Variants in MIA2 observed in about 807,000 individuals in gnomAD.
MIA2 encodes melanoma inhibitory activity protein 2.
In MIA2, 127 loss-of-function variants were observed where a neutral mutation model predicts 167.8. The ratio of observed to expected loss-of-function variants is 0.76; its 90% CI spans 0.66 to 0.88. The LOEUF (loss-of-function observed/expected upper bound fraction) is 0.88. MIA2 is among the 40% of genes least tolerant of loss of function. The pLI, the probability that MIA2 is intolerant of heterozygous loss-of-function variation, is 0.00. For synonymous variants in MIA2, 552 were observed against 541.9 expected (o/e 1.02, Z -0.26); for missense variants, 1,690 against 1,624.7 (o/e 1.04, Z -0.69).
In MIA2 at chr14:39,266,897, C is replaced by T. The variant is rs552719171; in HGVS notation, c.1888-10037C>T. 29 of 690,394 alleles carry T rather than the reference C, an allele frequency of 4.2e-5. 1 individual carries two copies. In the African/African-American group the frequency reaches 4.7e-4, roughly 11 times the overall value. 42.8% of individuals were successfully genotyped at this position (690,394 alleles called of 1,614,324 possible). On this transcript the variant is annotated intron_variant, in intron 6 of 28. Coordinates refer to ENST00000640607, the MANE Select transcript of MIA2 (RefSeq NM_001329214.4). ...GGAGAAGTCTCGCCGCCGCCGCCACCGCGGCCGCCCGAGGCGGGTGCCCTT... is the reference window on the plus strand; with the variant it reads ...GGAGAAGTCTCGCCGCCGCCGCCACTGCGGCCGCCCGAGGCGGGTGCCCTT...
At chr14:39,263,325 T>G (rs921493526) in intron 6 of MIA2, among the ~76,000 whole-genome samples, 1 of 152,196 alleles carries the variant, frequency 6.6e-6, no homozygotes, top group Non-Finnish European at 1.5e-5. Context: ...CATTTATTGA[T>G]TTGTGTATGT....
intron 25 of MIA2, among the ~76,000 whole-genome samples, chr14:39,343,439 G>A (rs1261697868): frequency 6.6e-6 from 1 of 152,130 alleles, no homozygotes; most frequent in African/African-American, 2.4e-5. Flanking sequence ...GAGCCACCAT[G>A]CCCGGCCTGT....
chr14:39,288,302 A>G (rs7159130), intron 9 of MIA2, among the ~76,000 whole-genome samples: 29,412 of 147,594 alleles, frequency 0.2, 2,827 homozygotes, highest in Middle Eastern at 0.28. Context: ...CTCTCAAAAG[A>G]AAAAAAAAAT....
In MIA2 at chr14:39,293,365, C is replaced by T. The variant is rs752546706; in HGVS notation, c.2303C>T (p.Ser768Phe). The change falls in exon 11 of 29, where the codon TCT becomes TTT. Residue 768 changes from serine (S) to phenylalanine (F), a missense_variant. Coordinates refer to ENST00000640607, the MANE Select transcript of MIA2 (RefSeq NM_001329214.4). ...TTAAAAGAAGAGAAATCCAAACATT[C>T]TGAACAAGATGAATTGGTAAGGCTT... ...KELKEEKSKHSEQDELMADIS... is the reference protein window; with the variant it reads ...KELKEEKSKHFEQDELMADIS... 1.3e-6 allele frequency: 2 copies of T among 1,589,228 alleles called. No individual in the cohort carries two copies. The highest frequency in any genetic ancestry group is 3.4e-5 in the Admixed American group (2 of 58,790).
intron 6 of MIA2, among the ~76,000 whole-genome samples, chr14:39,275,112 C>T (rs2057781118): frequency 8.6e-6 from 1 of 116,508 alleles, no homozygotes. Context: ...TTAAATTATT[C>T]CTTAATTTCC....
chr14:39,307,215 C>T (rs1270533616), intron 17 of MIA2, among the ~76,000 whole-genome samples: 1 of 151,818 alleles, frequency 6.6e-6, no homozygotes, highest in Admixed American at 6.6e-5. Context: ...TTATTCATCA[C>T]CTGGAAATAG....
chr14:39,379,519 A>G (rs1297945228), intron 23 of MIA2, among the ~76,000 whole-genome samples: 1 of 152,152 alleles, frequency 6.6e-6, no homozygotes, highest in Non-Finnish European at 1.5e-5. Flanking sequence ...CACCTTCTGC[A>G]GTGTGATTGC....
At chr14:39,268,192 A>C (rs1253199231) in intron 6 of MIA2, among the ~76,000 whole-genome samples, 1 of 152,174 alleles carries the variant, frequency 6.6e-6, no homozygotes, top group Non-Finnish European at 1.5e-5. Flanking sequence ...TGACATGTGT[A>C]GGGGCATTTA....
intron 6 of MIA2, among the ~76,000 whole-genome samples, chr14:39,268,586 C>G (rs560175393): frequency 2.6e-5 from 4 of 152,194 alleles, no homozygotes; most frequent in African/African-American, 9.6e-5. Context: ...ATGATGCTTG[C>G]CGGAGATGTA....
intron 25 of MIA2, among the ~76,000 whole-genome samples, chr14:39,329,051 T>C (rs1327100067): frequency 6.6e-6 from 1 of 152,204 alleles, no homozygotes; most frequent in Non-Finnish European, 1.5e-5. Context: ...ATAAATTACT[T>C]TGGGTAGTAT....
intron 25 of MIA2, among the ~76,000 whole-genome samples, chr14:39,338,701 C>A (rs899104149): frequency 6.6e-6 from 1 of 152,186 alleles, no homozygotes; most frequent in South Asian, 2.1e-4. Context: ...ATGTGACTTA[C>A]CTTGCTCAGC....
At chr14:39,370,742 G>A in intron 23 of MIA2, 1 of 160,688 alleles carries the variant, frequency 6.2e-6, no homozygotes, top group East Asian at 1.9e-4. Flanking sequence ...CCAGGCCCTC[G>A]AGCATTATTT....
At chr14:39,280,292 C>T (rs982007098) in intron 9 of MIA2, among the ~76,000 whole-genome samples, 39 of 151,606 alleles carry the variant, frequency 2.6e-4, no homozygotes, top group African/African-American at 9.2e-4. Context: ...GGTTAATTTA[C>T]AGTTCTTGGC....
At chr14:39,326,642 ATTTAT>A (rs1290089331) in intron 24 of MIA2, among the ~76,000 whole-genome samples, 5 of 148,650 alleles carry the variant, frequency 3.4e-5, no homozygotes, top group Admixed American at 1.3e-4. Flanking sequence ...AATATTTTAT[ATTTAT>A]TTTATATTAT....
At position 39,247,834 on chromosome 14, in the gene MIA2, C is replaced by A. The variant is rs188301586; in HGVS notation, c.1260C>A (p.Asp420Glu). The part of the protein sequence containing the change: ...EHEHPLTSEL[D>E]PEKEQEIETI... The stretch of plus-strand genomic sequence containing the variant: ...AACATCCTCTAACAAGTGAATTAGA[C>A]CCTGAAAAAGAACAAGAAATAGAAA... Residue 420 changes from aspartate to glutamate, a missense_variant, in exon 4 of 29, where the codon GAC (aspartate) becomes GAA (glutamate). Asp to Glu is a conservative substitution (Grantham distance 45). Transcript: ENST00000640607. 8.8e-6 allele frequency: 14 copies of A among 1,591,918 alleles called. No homozygotes were observed. Among genetic ancestry groups the A allele is most frequent in the South Asian group, 1.2e-5 (1 of 85,696 alleles).
chr14:39,311,462 GTTGC>G lies in MIA2; in HGVS notation c.3018-1875_3018-1872del, dbSNP rs1454292159. On this transcript the variant is annotated intron_variant, in intron 18 of 28. Transcript: ENST00000640607. ...ATGGTAGGACCTAGAAGCTTGATGTGTTGCTTTTTTTTTTTTTTTTTTTTTTTTT... is the reference window on the plus strand; with the variant it reads ...ATGGTAGGACCTAGAAGCTTGATGTGTTTTTTTTTTTTTTTTTTTTTTTTT... 3.6e-3 allele frequency among the ~76,000 whole-genome samples: 398 copies of G among 110,066 alleles called. 34 individuals are homozygous for G. The highest frequency in any genetic ancestry group is 8.6e-3 in the East Asian group (28 of 3,250). The allele number at this position is 110,066 out of a possible 152,430, so 72.2% of individuals were successfully genotyped here. A position where few individuals can be genotyped will look rare whatever the true frequency, so the allele number is the denominator to read the frequency against.
chr14:39,309,743 C>T (rs1012181352), intron 18 of MIA2, among the ~76,000 whole-genome samples: 2 of 152,092 alleles, frequency 1.3e-5, no homozygotes, highest in African/African-American at 4.8e-5. Context: ...CTTCTGTATT[C>T]CCAGTGCCTA....
At chr14:39,258,860 G>A (rs995869391) in intron 6 of MIA2, among the ~76,000 whole-genome samples, 1 of 152,212 alleles carries the variant, frequency 6.6e-6, no homozygotes, top group Non-Finnish European at 1.5e-5. Context: ...GTCTGCTGCA[G>A]TTTGCTGGAG....
chr14:39,265,639 TTTTTTG>T (rs1445969321), intron 6 of MIA2: 1 of 419,330 alleles, frequency 2.4e-6, no homozygotes, highest in Non-Finnish European at 4.2e-6. Flanking sequence ...GGGAGGTTTT[TTTTTTG>T]TTTTTGTTTT....
Sources: gnomAD v4.1 joint callset for allele counts (sites outside exome capture counted in the v4.1 genomes callset) on GRCh38, gnomAD v4.1.1 for gene constraint, MANE v1.5 for transcripts, NCBI Gene and HGNC (gene_info 2026-07-23, HGNC 2026-07-21) for gene names.